PDE3B: variants seen among roughly 807,000 people sequenced by gnomAD.
PDE3B encodes cGMP-inhibited 3',5'-cyclic phosphodiesterase 3B.
PDE3B carries 66 observed loss-of-function variants against 116.8 expected under a neutral mutation model. The ratio of observed to expected loss-of-function variants is 0.56; its 90% CI spans 0.46 to 0.69. The LOEUF (loss-of-function observed/expected upper bound fraction) is 0.69. Among genes scored for constraint, PDE3B ranks in the 30% least tolerant of loss-of-function variants. The pLI, the probability that PDE3B is intolerant of heterozygous loss-of-function variation, is 0.00. For missense variants in PDE3B, 1,384 were observed against 1,368.1 expected, an observed-to-expected ratio of 1.01 and a Z score of -0.18; for synonymous variants, 595 against 533.6, an observed-to-expected ratio of 1.12 and a Z score of -1.59.
At chr11:14,655,512 C>T (rs1040312791) in intron 1 of PDE3B, among the ~76,000 whole-genome samples, 14 of 152,118 alleles carry the variant, frequency 9.2e-5, no homozygotes, top group Middle Eastern at 6.8e-3. Context: ...TCTCAGTGTG[C>T]TAGGTGCTGT....
chr11:14,739,195 G>C (rs1856691300), intron 1 of PDE3B, among the ~76,000 whole-genome samples: 1 of 152,204 alleles, frequency 6.6e-6, no homozygotes, highest in Non-Finnish European at 1.5e-5. Context: ...ACCTTGGACA[G>C]TATGGCCCTT....
intron 1 of PDE3B, among the ~76,000 whole-genome samples, chr11:14,748,975 G>A (rs1856986503): frequency 6.7e-6 from 1 of 149,536 alleles, no homozygotes; most frequent in African/African-American, 2.5e-5. Flanking sequence ...TGCAGCTTCC[G>A]CCGCCTGGGT....
In PDE3B at chr11:14,644,966, C is replaced by T. The variant is rs769423781; in HGVS notation, c.891C>T (p.Cys297=). Residue 297 remains cysteine, a synonymous_variant, in exon 1 of 16, where the codon TGC becomes TGT. Transcript: ENST00000282096. The stretch of plus-strand genomic sequence containing the variant: ...TCCGACCCCGGAGGAGGTCCAGCTG[C>T]GTGTCGTTAGGAGAAACTGCAGCCA... ...PVIRPRRRSS[C]VSLGETAASY... 4 of 1,613,900 alleles carry T rather than the reference C, an allele frequency of 2.5e-6. No individual in the cohort carries two copies. The African/African-American group carries it at 4.0e-5, about 16-fold the overall frequency.
At chr11:14,694,797 G>A (rs1003663009) in intron 1 of PDE3B, among the ~76,000 whole-genome samples, 1 of 152,080 alleles carries the variant, frequency 6.6e-6, no homozygotes, top group African/African-American at 2.4e-5. Context: ...AACCAAATAA[G>A]TTATAATCCT....
At chr11:14,758,085 G>C (rs4373971) in intron 1 of PDE3B, among the ~76,000 whole-genome samples, 53,727 of 151,082 alleles carry the variant, frequency 0.36, 10,860 homozygotes, top group South Asian at 0.46. Flanking sequence ...GCTTGTTTTT[G>C]TCAGGTTTGT....
intron 14 of PDE3B, among the ~76,000 whole-genome samples, chr11:14,862,897 A>T (rs1462461603): frequency 6.6e-6 from 1 of 151,810 alleles, no homozygotes; most frequent in Non-Finnish European, 1.5e-5. Flanking sequence ...ATTTTTTTTT[A>T]AATTATTCTT....
At chr11:14,879,367 A>T in the PDE3B span, 3 of 1,611,498 alleles carry the variant, frequency 1.9e-6, no homozygotes, top group Non-Finnish European at 2.5e-6. Flanking sequence ...CCTCAGTATA[A>T]GGCATTTTGC....
At chr11:14,709,188 A>G (rs1019191671) in intron 1 of PDE3B, among the ~76,000 whole-genome samples, 3 of 152,158 alleles carry the variant, frequency 2.0e-5, no homozygotes, top group Admixed American at 2.0e-4. Context: ...GTTAAGAGAA[A>G]CTGGAAAGAA....
At chr11:14,850,280 T>C (rs559408832) in intron 12 of PDE3B, among the ~76,000 whole-genome samples, 61 of 152,072 alleles carry the variant, frequency 4.0e-4, no homozygotes, top group African/African-American at 1.4e-3. Context: ...TAGGTAGGAA[T>C]TGAACAATGA....
chr11:14,834,540 G>A (rs983728851), intron 10 of PDE3B, among the ~76,000 whole-genome samples: 27 of 152,184 alleles, frequency 1.8e-4, no homozygotes, highest in African/African-American at 6.3e-4. Context: ...CACATATTTA[G>A]TATTTAATTC....
chr11:14,831,511 T>A, intron 8 of PDE3B, 129 bp from the exon 9 acceptor site: 1 of 468,786 alleles, frequency 2.1e-6, no homozygotes, highest in Non-Finnish European at 3.6e-6. Flanking sequence ...AGACTATATT[T>A]AAGAATAACC....
chr11:14,866,761 A>G (rs898424299), intron 14 of PDE3B, among the ~76,000 whole-genome samples: 1 of 152,196 alleles, frequency 6.6e-6, no homozygotes, highest in Non-Finnish European at 1.5e-5. Flanking sequence ...TACCATTTGG[A>G]GAATGCTCAG....
At chr11:14,874,013 G>C (rs1233170168), downstream of PDE3B, among the ~76,000 whole-genome samples, 1 of 152,100 alleles carries the variant, frequency 6.6e-6, no homozygotes, top group Non-Finnish European at 1.5e-5. Context: ...ATGGCTCTCA[G>C]TATTAAGGTA....
intron 1 of PDE3B, among the ~76,000 whole-genome samples, chr11:14,674,893 G>T (rs1026364269): frequency 6.6e-6 from 1 of 152,078 alleles, no homozygotes; most frequent in African/African-American, 2.4e-5. Context: ...CTTGAAAATT[G>T]TTACTTTAGG....
At chr11:14,727,743 A>G (rs188795532) in intron 1 of PDE3B, among the ~76,000 whole-genome samples, 3 of 152,082 alleles carry the variant, frequency 2.0e-5, no homozygotes, top group East Asian at 3.9e-4. Context: ...TCTAAACTGC[A>G]TTTTTTCTCC....
chr11:14,671,594 A>T (rs527273906), intron 1 of PDE3B, among the ~76,000 whole-genome samples: 42 of 152,148 alleles, frequency 2.8e-4, no homozygotes, highest in Non-Finnish European at 5.4e-4. Context: ...TTGCTTGTTT[A>T]TGGGCTATTG....
chr11:14,730,661 A>C (rs189146080), intron 1 of PDE3B, among the ~76,000 whole-genome samples: 2 of 152,370 alleles, frequency 1.3e-5, no homozygotes, highest in East Asian at 3.9e-4. Context: ...CAAACATACT[A>C]ATAGTGCTAT....
the PDE3B span, chr11:14,891,188 C>G: frequency 1.0e-6 from 1 of 985,456 alleles, no homozygotes. Flanking sequence ...CTGCCAGTCA[C>G]AGGGCATTTC....
downstream of PDE3B, among the ~76,000 whole-genome samples, chr11:14,875,539 T>C (rs1217253210): frequency 1.3e-5 from 2 of 152,184 alleles, no homozygotes; most frequent in Admixed American, 1.3e-4. Context: ...ATCCAATGTA[T>C]CTGTTACAAT....
Sources: gnomAD v4.1 joint callset for allele counts (sites outside exome capture counted in the v4.1 genomes callset) on GRCh38, gnomAD v4.1.1 for gene constraint, MANE v1.5 for transcripts, NCBI Gene and HGNC (gene_info 2026-07-23, HGNC 2026-07-21) for gene names.